PTPRD: variants seen among roughly 807,000 people sequenced by gnomAD.
PTPRD encodes protein tyrosine phosphatase receptor type D, also known as receptor-type tyrosine-protein phosphatase delta.
PTPRD carries 34 observed loss-of-function variants against 214.5 expected under a neutral mutation model. That is an observed-to-expected ratio of 0.16 (90% confidence interval 0.12 to 0.21). PTPRD has a LOEUF of 0.21. Ranked by LOEUF, PTPRD falls within the 10% of genes least tolerant of loss-of-function variation. The probability of loss-of-function intolerance (pLI) is 1.00; values close to 1 mark genes in which losing one functional copy is unlikely to be tolerated. For missense variants in PTPRD, 2,545 were observed against 2,398.7 expected, an observed-to-expected ratio of 1.06 and a Z score of -1.27; for synonymous variants, 1,128 against 845.7, an observed-to-expected ratio of 1.33 and a Z score of -5.79.
At chr9:8,594,883 G>C (rs62530695) in intron 14 of PTPRD, among the ~76,000 whole-genome samples, 1 of 135,488 alleles carries the variant, frequency 7.4e-6, no homozygotes, top group Admixed American at 7.6e-5. Context: ...TTTTTTTTGG[G>C]ACAGAGTCTC....
intron 9 of PTPRD, among the ~76,000 whole-genome samples, chr9:9,354,049 C>T (rs1337640150): frequency 6.6e-6 from 1 of 151,750 alleles, no homozygotes. Context: ...AGCTCCTTGT[C>T]CCCACATGGC....
chr9:10,142,978 A>G (rs2098996907), intron 3 of PTPRD, among the ~76,000 whole-genome samples: 1 of 152,012 alleles, frequency 6.6e-6, no homozygotes, highest in Non-Finnish European at 1.5e-5. Flanking sequence ...CTTTGTAGGG[A>G]CATGGATGAA....
Position 9,569,558 on chromosome 9 carries a change from T to C in PTPRD, c.-237+5174A>G, listed in dbSNP as rs578105392. ...TTAAATATGTTCTAAAGCTCTTTTT[T>C]TTTCCCTAACACTTCGTTATCAACA... On this transcript the variant is annotated intron_variant, in intron 8 of 45. Transcript: ENST00000381196. Among the ~76,000 whole-genome samples, 7 of 151,798 alleles carry C rather than the reference T, an allele frequency of 4.6e-5. No homozygotes were observed. The East Asian group carries it at 1.2e-3, about 25-fold the overall frequency.
chr9:9,011,473 T>C (rs2099511562), intron 11 of PTPRD, among the ~76,000 whole-genome samples: 1 of 152,066 alleles, frequency 6.6e-6, no homozygotes, highest in African/African-American at 2.4e-5. Context: ...CAAACAATAG[T>C]AGAGAAGTGA....
chr9:10,265,147 T>A (rs1464120286), intron 3 of PTPRD, among the ~76,000 whole-genome samples: 2 of 152,156 alleles, frequency 1.3e-5, no homozygotes, highest in Non-Finnish European at 2.9e-5. Flanking sequence ...TATGACACCG[T>A]GACTCCCTTT....
chr9:10,127,296 C>T (rs1055890420), intron 3 of PTPRD, among the ~76,000 whole-genome samples: 1 of 152,150 alleles, frequency 6.6e-6, no homozygotes, highest in African/African-American at 2.4e-5. Flanking sequence ...GCCCACAAGA[C>T]ATTTCTTGTT....
chr9:10,532,445 T>C (rs1412510286), intron 2 of PTPRD: 4 of 107,662 alleles, frequency 3.7e-5, no homozygotes, highest in African/African-American at 1.1e-4. Flanking sequence ...GTTCCTAAAA[T>C]AAATAAATAA....
chr9:10,419,245 A>C (rs1165424251), intron 2 of PTPRD, among the ~76,000 whole-genome samples: 1 of 151,952 alleles, frequency 6.6e-6, no homozygotes, highest in Non-Finnish European at 1.5e-5. Flanking sequence ...TGGTCAAAAA[A>C]GATGGCCATG....
intron 30 of PTPRD, among the ~76,000 whole-genome samples, chr9:8,479,089 C>T (rs1287597478): frequency 6.6e-6 from 1 of 152,204 alleles, no homozygotes. Flanking sequence ...GAATAAAAAG[C>T]TACAACCTTT....
chr9:10,031,625 C>T (rs1589306544), intron 4 of PTPRD, among the ~76,000 whole-genome samples: 1 of 87,398 alleles, frequency 1.1e-5, no homozygotes, highest in Non-Finnish European at 1.9e-5. Context: ...TAAAAAACTC[C>T]ATATATATAT....
chr9:9,176,565 C>G (rs2099925004), intron 10 of PTPRD, among the ~76,000 whole-genome samples: 1 of 152,122 alleles, frequency 6.6e-6, no homozygotes, highest in African/African-American at 2.4e-5. Flanking sequence ...AACCTAATTG[C>G]TAATGTAATG....
intron 8 of PTPRD, among the ~76,000 whole-genome samples, chr9:9,441,391 A>G (rs1423704329): frequency 6.6e-6 from 1 of 152,214 alleles, no homozygotes; most frequent in East Asian, 1.9e-4. Context: ...AAACTGCTAG[A>G]CAAAAGAAAA....
intron 4 of PTPRD, among the ~76,000 whole-genome samples, chr9:10,017,521 C>G (rs1169037428): frequency 6.6e-6 from 1 of 152,006 alleles, no homozygotes; most frequent in East Asian, 1.9e-4. Context: ...CTTAACTATA[C>G]AGATATTTTA....
chr9:8,642,843 A>G (rs2096607080), intron 12 of PTPRD, among the ~76,000 whole-genome samples: 1 of 152,212 alleles, frequency 6.6e-6, no homozygotes, highest in South Asian at 2.1e-4. Context: ...GGACAAGGGT[A>G]GTGACAGACA....
chr9:9,107,414 G>C (rs1193670800), intron 10 of PTPRD, among the ~76,000 whole-genome samples: 1 of 152,144 alleles, frequency 6.6e-6, no homozygotes, highest in Non-Finnish European at 1.5e-5. Context: ...TCATCTACCA[G>C]CCTTGTTTTT....
intron 5 of PTPRD, among the ~76,000 whole-genome samples, chr9:9,886,283 A>T (rs1458052637): frequency 6.6e-6 from 1 of 152,106 alleles, no homozygotes. Flanking sequence ...ATATGTTTGA[A>T]TTGGAATCTC....
intron 11 of PTPRD, among the ~76,000 whole-genome samples, chr9:8,991,163 G>A (rs1376156603): frequency 6.7e-6 from 1 of 150,372 alleles, no homozygotes; most frequent in African/African-American, 2.5e-5. Context: ...AGGCTGCAGT[G>A]AGCTGAGATG....
At chr9:8,635,548 A>G (rs369626217) in intron 13 of PTPRD, among the ~76,000 whole-genome samples, 1 of 152,144 alleles carries the variant, frequency 6.6e-6, no homozygotes, top group African/African-American at 2.4e-5. Context: ...TAATTTCACC[A>G]TTGTAATTAA....
chr9:8,625,688 G>T (rs115121143), intron 14 of PTPRD, among the ~76,000 whole-genome samples: 1 of 151,498 alleles, frequency 6.6e-6, no homozygotes, highest in Non-Finnish European at 1.5e-5. Context: ...CTGTGTTAAA[G>T]GGTGAAAATA....
Sources: gnomAD v4.1 joint callset for allele counts (sites outside exome capture counted in the v4.1 genomes callset) on GRCh38, gnomAD v4.1.1 for gene constraint, MANE v1.5 for transcripts, NCBI Gene and HGNC (gene_info 2026-07-23, HGNC 2026-07-21) for gene names.